Variants in MLIP observed in about 807,000 individuals in gnomAD.
The protein encoded by MLIP is muscular LMNA interacting protein.
MLIP carries 79 observed loss-of-function variants against 84.8 expected under a neutral mutation model. The observed-to-expected ratio is 0.93, with a 90% CI of 0.78 to 1.12. The LOEUF is 1.12. MLIP is among the 50% of genes most tolerant of loss of function. The pLI is 0.00. For synonymous variants in MLIP, 504 were observed against 463.0 expected (o/e 1.09, Z -1.14); for missense variants, 1,257 against 1,160.6 (o/e 1.08, Z -1.21).
chr6:54,230,204 C>T (rs550907010), intron 11 of MLIP, among the ~76,000 whole-genome samples: 1 of 152,292 alleles, frequency 6.6e-6, no homozygotes, highest in African/African-American at 2.4e-5. Flanking sequence ...CCATGACAAA[C>T]TCAACTCCGA....
chr6:54,127,683 C>A (rs1229769114), intron 3 of MLIP, among the ~76,000 whole-genome samples: 2 of 152,006 alleles, frequency 1.3e-5, no homozygotes, highest in Non-Finnish European at 2.9e-5. Context: ...CAGTGGTTAG[C>A]ATATTATCAG....
intron 1 of MLIP, among the ~76,000 whole-genome samples, chr6:54,075,376 A>G (rs113425475): frequency 6.6e-6 from 1 of 151,866 alleles, no homozygotes; most frequent in East Asian, 1.9e-4. Context: ...TGCTGTATCT[A>G]GGTGGATTTG....
intron 1 of MLIP, among the ~76,000 whole-genome samples, chr6:54,026,979 A>G (rs1209034847): frequency 6.6e-6 from 1 of 152,232 alleles, no homozygotes; most frequent in Non-Finnish European, 1.5e-5. Context: ...ACATCTATCA[A>G]AAGTGCTCTC....
intron 1 of MLIP, among the ~76,000 whole-genome samples, chr6:54,105,916 C>T (rs573311448): frequency 6.6e-6 from 1 of 152,200 alleles, no homozygotes; most frequent in East Asian, 1.9e-4. Context: ...AGAACTGATA[C>T]TCTTGGTAAC....
intron 12 of MLIP, among the ~76,000 whole-genome samples, chr6:54,236,653 TG>T (rs1466797159): frequency 6.6e-6 from 1 of 151,260 alleles, no homozygotes; most frequent in Admixed American, 6.6e-5. Context: ...ATCATGTTTT[TG>T]TTTGCATCTC....
chr6:54,244,854 A>G (rs1781971016), intron 12 of MLIP, among the ~76,000 whole-genome samples: 2 of 152,318 alleles, frequency 1.3e-5, no homozygotes, highest in South Asian at 4.1e-4. Flanking sequence ...TTGGACATAT[A>G]GTATCTAGCT....
intron 2 of MLIP, among the ~76,000 whole-genome samples, chr6:54,122,632 C>T (rs1398108115): frequency 6.6e-6 from 1 of 152,128 alleles, no homozygotes; most frequent in Non-Finnish European, 1.5e-5. Context: ...TTCAATGCTG[C>T]TATCTTCTTT....
intron 1 of MLIP, among the ~76,000 whole-genome samples, chr6:54,059,950 T>A (rs1049482961): frequency 1.3e-5 from 2 of 152,260 alleles, no homozygotes; most frequent in Non-Finnish European, 2.9e-5. Context: ...GAAAATGAGA[T>A]CCTTTTCATT....
intron 5 of MLIP, among the ~76,000 whole-genome samples, chr6:54,152,767 G>A (rs1773584656): frequency 6.6e-6 from 1 of 152,088 alleles, no homozygotes; most frequent in Admixed American, 6.6e-5. Flanking sequence ...CTTATCATCT[G>A]AGTCTGATAG....
intron 11 of MLIP, among the ~76,000 whole-genome samples, chr6:54,213,038 C>T (rs1257112080): frequency 6.6e-6 from 1 of 152,136 alleles, no homozygotes; most frequent in Non-Finnish European, 1.5e-5. Flanking sequence ...GATTTACTGT[C>T]TCAGCTTTCT....
intron 3 of MLIP, among the ~76,000 whole-genome samples, chr6:54,135,092 C>A (rs1263495296): frequency 6.6e-6 from 1 of 152,050 alleles, no homozygotes; most frequent in Non-Finnish European, 1.5e-5. Context: ...AAGACATTGT[C>A]ATGCTTGTAG....
chr6:54,155,563 C>T (rs1773936335), intron 5 of MLIP, among the ~76,000 whole-genome samples: 1 of 152,060 alleles, frequency 6.6e-6, no homozygotes. Context: ...TTCCAACTCC[C>T]TACTTTTAGA....
chr6:54,070,177 G>C (rs1766397741), intron 1 of MLIP, among the ~76,000 whole-genome samples: 1 of 152,162 alleles, frequency 6.6e-6, no homozygotes, highest in Non-Finnish European at 1.5e-5. Context: ...CTGCTTTACT[G>C]TTCACTGTGA....
At position 54,264,814 on chromosome 6, in the gene MLIP, G is replaced by T. The variant is rs191176192; in HGVS notation, c.2977-1136G>T. Among the ~76,000 whole-genome samples, 30 of 152,108 alleles carry T rather than the reference G, an allele frequency of 2.0e-4. No homozygotes were observed. In the East Asian group the frequency reaches 5.0e-3, roughly 26 times the overall value. Reference sequence around the variant, plus strand: ...AGCTACAGCTTACTTCTTACTTTTTGCCTGTTGATTTTCTATGGCCAGAAC... The same window carrying T: ...AGCTACAGCTTACTTCTTACTTTTTTCCTGTTGATTTTCTATGGCCAGAAC... On this transcript the variant is annotated intron_variant, in intron 13 of 13. Coordinates refer to ENST00000502396, the MANE Select transcript of MLIP (RefSeq NM_001281747.2).
chr6:54,243,916 T>C (rs1781905876), intron 12 of MLIP, among the ~76,000 whole-genome samples: 1 of 152,188 alleles, frequency 6.6e-6, no homozygotes, highest in Non-Finnish European at 1.5e-5. Context: ...TGGCATGAGT[T>C]ACTGGCAGAG....
intron 9 of MLIP, among the ~76,000 whole-genome samples, chr6:54,173,076 A>C (rs1775932095): frequency 6.6e-6 from 1 of 151,690 alleles, no homozygotes. Context: ...ATAATAACTA[A>C]TATTTTGAGC....
chr6:54,056,435 C>G (rs749713907), intron 1 of MLIP, among the ~76,000 whole-genome samples: 2 of 152,186 alleles, frequency 1.3e-5, no homozygotes, highest in Non-Finnish European at 1.5e-5. Flanking sequence ...GTTGCTTTCT[C>G]CCTTTGTTGG....
chr6:54,118,129 A>T (rs936270509), intron 1 of MLIP, among the ~76,000 whole-genome samples: 8 of 152,244 alleles, frequency 5.3e-5, no homozygotes, highest in Non-Finnish European at 5.9e-5. Context: ...CGCAACTCCT[A>T]TCAAAATACC....
At chr6:54,193,799 T>C (rs2150688609) in intron 10 of MLIP, among the ~76,000 whole-genome samples, 1 of 152,208 alleles carries the variant, frequency 6.6e-6, no homozygotes, top group Non-Finnish European at 1.5e-5. Context: ...AGATCTAGGG[T>C]CTGCGTTAAA....
Sources: allele counts gnomAD v4.1 joint callset (sites outside exome capture counted in the v4.1 genomes callset), GRCh38; gene constraint gnomAD v4.1.1; transcripts MANE v1.5; gene names NCBI Gene and HGNC (gene_info 2026-07-23, HGNC 2026-07-21).